The following NCOA3 variants were observed in gnomAD, a reference collection of about 807,000 sequenced individuals.
NCOA3 encodes the protein nuclear receptor coactivator 3, also known as CBP-interacting protein.
A neutral mutation model predicts 158.8 loss-of-function variants in NCOA3; 51 were observed. That is an observed-to-expected ratio of 0.32 (90% confidence interval 0.26 to 0.41). The LOEUF is 0.41. NCOA3 is among the 10% of genes least tolerant of loss of function. NCOA3 has a pLI of 1.00. For synonymous variants in NCOA3, 537 were observed against 592.4 expected (o/e 0.91, Z 1.36); for missense variants, 1,510 against 1,746.6 (o/e 0.86, Z 2.41).
intron 2 of NCOA3, among the ~76,000 whole-genome samples, chr20:47,599,757 T>C (rs1193477110): frequency 6.6e-6 from 1 of 152,232 alleles, no homozygotes; most frequent in African/African-American, 2.4e-5. Flanking sequence ...TTTATAGAGG[T>C]CATCCTGTAA....
intron 2 of NCOA3, among the ~76,000 whole-genome samples, chr20:47,614,137 G>A (rs1014760360): frequency 2.0e-5 from 3 of 152,006 alleles, no homozygotes; most frequent in Admixed American, 6.5e-5. Flanking sequence ...TCCTTTCTCC[G>A]TGGTACCAGT....
chr20:47,545,750 T>A (rs981777848), intron 1 of NCOA3, among the ~76,000 whole-genome samples: 2 of 151,980 alleles, frequency 1.3e-5, no homozygotes, highest in South Asian at 4.2e-4. Flanking sequence ...GGTCTCGGTC[T>A]GTCGCCTAGG....
At chr20:47,549,369 A>G (rs2084892938) in intron 1 of NCOA3, among the ~76,000 whole-genome samples, 1 of 151,714 alleles carries the variant, frequency 6.6e-6, no homozygotes, top group African/African-American at 2.4e-5. Context: ...AAAAAATTAA[A>G]AAAAAAAATT....
Position 47,627,026 on chromosome 20 carries a change from G to A in NCOA3, c.382G>A (p.Val128Met). The part of the protein sequence containing the change: ...LQALDGFLFV[V>M]NRDGNIVFVS... ...GGCATTGGATGGTTTCCTATTTGTG[G>A]TGAATCGAGACGGAAACATTGTATT... The change falls in exon 6 of 23, where the codon GTG becomes ATG. Residue 128 changes from valine (V) to methionine (M), a missense_variant. Val to Met is a conservative substitution (Grantham distance 21). Around this residue, in one of 4 missense-constraint regions of NCOA3, gnomAD observed 309 missense variants for 427.1 expected, o/e 0.72. Transcript: ENST00000371998. The A allele has an allele frequency of 1.2e-6, 2 of 1,612,826 alleles. No individual in the cohort carries two copies. Among genetic ancestry groups the A allele is most frequent in the Non-Finnish European group, 1.7e-6 (2 of 1,179,494 alleles).
intron 2 of NCOA3, among the ~76,000 whole-genome samples, chr20:47,602,563 A>G (rs1357704491): frequency 6.6e-6 from 1 of 152,232 alleles, no homozygotes; most frequent in Non-Finnish European, 1.5e-5. Flanking sequence ...TGCAGATCAC[A>G]TTGACTTGCT....
At chr20:47,530,467 T>TC (rs1407130110) in intron 1 of NCOA3, among the ~76,000 whole-genome samples, 2 of 150,038 alleles carry the variant, frequency 1.3e-5, no homozygotes, top group African/African-American at 4.9e-5. Flanking sequence ...TTAACTTTTT[T>TC]TTTTTTTTTT....
At chr20:47,542,010 T>TTTTTTTG (rs1568667686) in intron 1 of NCOA3, among the ~76,000 whole-genome samples, 10 of 73,880 alleles carry the variant, frequency 1.4e-4, no homozygotes, top group East Asian at 2.8e-4. Flanking sequence ...CCCTGTAGAG[T>TTTTTTTG]TTTTTTTTTT....
At chr20:47,527,120 G>A (rs1166399748) in intron 1 of NCOA3, among the ~76,000 whole-genome samples, 2 of 152,120 alleles carry the variant, frequency 1.3e-5, no homozygotes, top group South Asian at 4.1e-4. Context: ...GTATATATAG[G>A]TGATCATGTC....
intron 1 of NCOA3, among the ~76,000 whole-genome samples, chr20:47,512,008 A>C (rs1338985640): frequency 2.0e-5 from 3 of 152,080 alleles, no homozygotes; most frequent in Admixed American, 2.0e-4. Flanking sequence ...GTACCCCATA[A>C]ATTTATACAA....
At chr20:47,610,774 A>G (rs2086030056) in intron 2 of NCOA3, among the ~76,000 whole-genome samples, 1 of 152,228 alleles carries the variant, frequency 6.6e-6, no homozygotes, top group Non-Finnish European at 1.5e-5. Flanking sequence ...TCTTTGAAAA[A>G]TCAACCCAAA....
Position 47,625,718 on chromosome 20 carries a change from C to G in NCOA3, c.357+237C>G, listed in dbSNP as rs529988011. On this transcript the variant is annotated intron_variant, in intron 5 of 22. Coordinates refer to ENST00000371998, the MANE Select transcript of NCOA3 (RefSeq NM_181659.3). The stretch of plus-strand genomic sequence containing the variant: ...TATAGTTGCAAACTGAGGAACCACA[C>G]ATATACAAACATAAAAATATAAGCA... Among the ~76,000 whole-genome samples the G allele has an allele frequency of 5.3e-4, 80 of 152,152 alleles. 1 individual carries two copies. Among genetic ancestry groups the G allele is most frequent in the African/African-American group, 1.8e-3 (76 of 41,496 alleles).
intron 2 of NCOA3, among the ~76,000 whole-genome samples, chr20:47,619,435 A>G (rs552164620): frequency 6.6e-6 from 1 of 152,188 alleles, no homozygotes; most frequent in East Asian, 1.9e-4. Flanking sequence ...ACTTGAACCC[A>G]GGAGTTCAAG....
intron 17 of NCOA3, among the ~76,000 whole-genome samples, chr20:47,646,250 TATTATA>T (rs1602539309): frequency 6.6e-6 from 1 of 152,200 alleles, no homozygotes; most frequent in African/African-American, 2.4e-5. Flanking sequence ...TTTAGGGAAT[TATTATA>T]AGAAGAATGA....
intron 1 of NCOA3, among the ~76,000 whole-genome samples, chr20:47,575,143 T>C (rs2146208147): frequency 6.6e-6 from 1 of 152,290 alleles, no homozygotes; most frequent in South Asian, 2.1e-4. Context: ...GCTGCAGTGC[T>C]AGGCATCTTT....
At chr20:47,506,242 TTCATTTTGTCTA>T (rs1282322165) in intron 1 of NCOA3, among the ~76,000 whole-genome samples, 1 of 152,170 alleles carries the variant, frequency 6.6e-6, no homozygotes, top group Non-Finnish European at 1.5e-5. Flanking sequence ...ACTAGGTAAA[TTCATTTTGTCTA>T]TCATTTTTCT....
chr20:47,631,875 A>G (rs2086423925), intron 8 of NCOA3, among the ~76,000 whole-genome samples: 2 of 152,170 alleles, frequency 1.3e-5, no homozygotes, highest in African/African-American at 4.8e-5. Flanking sequence ...TCTGTACAGC[A>G]TTTGGGAAAA....
intron 2 of NCOA3, among the ~76,000 whole-genome samples, chr20:47,608,635 G>A (rs1415192282): frequency 6.9e-4 from 68 of 98,466 alleles, no homozygotes; most frequent in Non-Finnish European, 1.0e-3. Flanking sequence ...CTGAGACCCT[G>A]TCTCCAAAAA....
chr20:47,613,580 A>C (rs1222401302), intron 2 of NCOA3, among the ~76,000 whole-genome samples: 2 of 152,076 alleles, frequency 1.3e-5, no homozygotes, highest in African/African-American at 4.8e-5. Flanking sequence ...GGATATAAAA[A>C]ATTTCCCTCT....
intron 2 of NCOA3, among the ~76,000 whole-genome samples, chr20:47,584,372 C>A (rs958594523): frequency 6.6e-6 from 1 of 152,146 alleles, no homozygotes; most frequent in Non-Finnish European, 1.5e-5. Flanking sequence ...GTAATCCCAG[C>A]ACTTTGGGAG....
Sources: allele counts gnomAD v4.1 joint callset (sites outside exome capture counted in the v4.1 genomes callset), GRCh38; gene constraint gnomAD v4.1.1; regional missense constraint gnomAD v4.1.1; transcripts MANE v1.5; gene names NCBI Gene and HGNC (gene_info 2026-07-23, HGNC 2026-07-21).